PRELID2: variants seen among roughly 807,000 people sequenced by gnomAD.
PRELID2 encodes PRELI domain containing 2.
Under a neutral mutation model 28.4 loss-of-function variants are expected in PRELID2, and 25 were observed. That is an observed-to-expected ratio of 0.88 (90% CI 0.64 to 1.23). The LOEUF (loss-of-function observed/expected upper bound fraction) is 1.23, where lower values mean the gene tolerates loss of function less well. Among genes scored for constraint, PRELID2 ranks in the 50% most tolerant of loss-of-function variants. PRELID2 has a pLI of 0.00. For missense variants in PRELID2, 201 were observed against 214.4 expected (o/e 0.94, Z 0.39); for synonymous variants, 76 against 71.6 (o/e 1.06, Z -0.31).
At chr5:145,805,486 A>T (rs568116250) in intron 4 of PRELID2, among the ~76,000 whole-genome samples, 1 of 152,296 alleles carries the variant, frequency 6.6e-6, no homozygotes, top group South Asian at 2.1e-4. Flanking sequence ...GGAGAACTTT[A>T]AAAATGTCGA....
chr5:145,561,009 C>CTT (rs76067294), intron 1 of PRELID2, among the ~76,000 whole-genome samples: 2 of 144,074 alleles, frequency 1.4e-5, no homozygotes, highest in Non-Finnish European at 3.1e-5. Context: ...GACTGTTTCA[C>CTT]TTTTTTTTTT....
chr5:145,675,327 T>G (rs1335641495), intron 1 of PRELID2, among the ~76,000 whole-genome samples: 3 of 152,084 alleles, frequency 2.0e-5, no homozygotes, highest in Admixed American at 6.6e-5. Flanking sequence ...TAAATGCAAA[T>G]TAAGATTATA....
chr5:145,375,377 G>C, the PRELID2 span, among the ~76,000 whole-genome samples: 1 of 152,058 alleles, frequency 6.6e-6, no homozygotes, highest in Non-Finnish European at 1.5e-5. Flanking sequence ...GACCTCAAGG[G>C]GCACCAATCT....
intron 1 of PRELID2, among the ~76,000 whole-genome samples, chr5:145,829,357 A>G (rs1755432645): frequency 6.6e-6 from 1 of 152,204 alleles, no homozygotes; most frequent in Non-Finnish European, 1.5e-5. Flanking sequence ...ACTCTAAGTT[A>G]GTAATGATTT....
chr5:145,501,458 T>C lies in PRELID2; in HGVS notation n.71-28143A>G, dbSNP rs145640598. Among the ~76,000 whole-genome samples the C allele has an allele frequency of 2.3e-3, 354 of 152,248 alleles. 1 individual carries two copies. The highest frequency in any genetic ancestry group is 8.0e-3 in the African/African-American group (333 of 41,560). On this transcript the variant is annotated intron_variant and non_coding_transcript_variant, in intron 1 of 2. Coordinates refer to the PRELID2 transcript ENST00000510259. ...TTGTAGATCCCATAATTCTCATGTG[T>C]TGTGGGAGAGACCCGGTGGGAGGTA... is the stretch of plus-strand genomic sequence containing the variant.
the PRELID2 span, among the ~76,000 whole-genome samples, chr5:145,378,930 A>G: frequency 4.5e-3 from 688 of 151,942 alleles, 11 homozygotes; most frequent in Admixed American, 0.037. Context: ...TCTACCTTCA[A>G]TCTTTGAGAG....
intron 5 of PRELID2, among the ~76,000 whole-genome samples, chr5:145,790,006 C>G (rs1031037403): frequency 5.9e-5 from 9 of 152,000 alleles, no homozygotes; most frequent in Non-Finnish European, 1.2e-4. Context: ...AAAGTGTTGG[C>G]AAGAATGAGG....
intron 1 of PRELID2, among the ~76,000 whole-genome samples, chr5:145,535,255 A>G (rs1384059601): frequency 6.6e-6 from 1 of 151,816 alleles, no homozygotes; most frequent in African/African-American, 2.4e-5. Context: ...AATTTCAGAG[A>G]ATTTTTGGAG....
intron 1 of PRELID2, among the ~76,000 whole-genome samples, chr5:145,695,245 A>G (rs1755234367): frequency 6.6e-6 from 1 of 152,182 alleles, no homozygotes; most frequent in Non-Finnish European, 1.5e-5. Context: ...CCAAGACCTG[A>G]AAGATGAGAA....
At chr5:145,468,444 G>A (rs903681974), downstream of PRELID2, among the ~76,000 whole-genome samples, 1 of 152,144 alleles carries the variant, frequency 6.6e-6, no homozygotes, top group Admixed American at 6.6e-5. Flanking sequence ...TAATTGGATG[G>A]CTGGGTCAAA....
chr5:145,292,820 A>G, the PRELID2 span, among the ~76,000 whole-genome samples: 1 of 151,718 alleles, frequency 6.6e-6, no homozygotes, highest in Non-Finnish European at 1.5e-5. Flanking sequence ...TGATTCTTTT[A>G]CCTCAGCCTT....
At chr5:145,295,588 GA>G in the PRELID2 span, among the ~76,000 whole-genome samples, 1 of 152,124 alleles carries the variant, frequency 6.6e-6, no homozygotes, top group Non-Finnish European at 1.5e-5. Flanking sequence ...CTGAATGCCA[GA>G]TAGAAATAAA....
At chr5:145,393,600 C>A in the PRELID2 span, among the ~76,000 whole-genome samples, 2 of 152,118 alleles carry the variant, frequency 1.3e-5, no homozygotes, top group Non-Finnish European at 2.9e-5. Context: ...TGACAGCTGG[C>A]GTTTGCCTTA....
chr5:145,821,229 GTA>G (rs71581837), intron 2 of PRELID2, among the ~76,000 whole-genome samples: 13,757 of 101,930 alleles, frequency 0.13, 1,046 homozygotes, highest in South Asian at 0.22. Context: ...CTGTGTGTGT[GTA>G]TGTGTGTGTA....
chr5:145,567,015 C>A (rs1301613109), intron 1 of PRELID2, among the ~76,000 whole-genome samples: 3 of 151,964 alleles, frequency 2.0e-5, no homozygotes, highest in African/African-American at 7.3e-5. Context: ...AAAAGAATTT[C>A]TTCCAATTAT....
intron 6 of PRELID2, among the ~76,000 whole-genome samples, chr5:145,762,312 CACAA>C (rs1344776750): frequency 6.6e-6 from 1 of 152,034 alleles, no homozygotes; most frequent in Non-Finnish European, 1.5e-5. Context: ...AGGACAAAAA[CACAA>C]ACAAACAAAC....
At chr5:145,437,231 G>A in the PRELID2 span, 4 of 152,116 alleles carry the variant, frequency 2.6e-5, no homozygotes, top group African/African-American at 4.8e-5. Flanking sequence ...TACCATCTCT[G>A]GTAAGTGATG....
At chr5:145,822,424 G>A (rs775116541) in intron 2 of PRELID2, among the ~76,000 whole-genome samples, 8 of 152,156 alleles carry the variant, frequency 5.3e-5, no homozygotes, top group Non-Finnish European at 1.2e-4. Flanking sequence ...GGAAGCAGTC[G>A]TAGATGACAT....
At chr5:145,332,049 G>A in the PRELID2 span, among the ~76,000 whole-genome samples, 2 of 152,140 alleles carry the variant, frequency 1.3e-5, no homozygotes, top group Admixed American at 1.3e-4. Flanking sequence ...GGCTAGATAC[G>A]AAATTCTTGG....
Sources: allele counts gnomAD v4.1 joint callset (sites outside exome capture counted in the v4.1 genomes callset), GRCh38; gene constraint gnomAD v4.1.1; transcripts MANE v1.5; gene names NCBI Gene and HGNC (gene_info 2026-07-23, HGNC 2026-07-21).